The following OCIAD2 variants were observed in gnomAD, a reference collection of about 807,000 sequenced individuals.
OCIAD2 encodes the protein OCIA domain containing 2.
A neutral mutation model predicts 22.9 loss-of-function variants in OCIAD2; 29 were observed. The ratio of observed to expected loss-of-function variants is 1.27; its 90% confidence interval spans 0.94 to 1.73. The LOEUF is 1.73. OCIAD2 is among the 40% of genes most tolerant of loss of function. The pLI is 0.00. For missense variants in OCIAD2, 189 were observed against 180.3 expected (o/e 1.05, Z -0.28); for synonymous variants, 67 against 60.2 (o/e 1.11, Z -0.52).
intron 2 of OCIAD2, 137 bp from the exon 3 acceptor site, chr4:48,900,062 T>C: frequency 1.8e-6 from 1 of 562,854 alleles, no homozygotes; most frequent in Non-Finnish European, 3.1e-6. Context: ...CCAAAGCAAT[T>C]ATCAGTTTCC....
chr4:48,890,426 G>A (rs527616795), intron 6 of OCIAD2, among the ~76,000 whole-genome samples: 1 of 151,998 alleles, frequency 6.6e-6, no homozygotes, highest in African/African-American at 2.4e-5. Flanking sequence ...TCTAACAATA[G>A]CATAAAAATT....
chr4:48,903,419 T>A (rs1781460259), intron 2 of OCIAD2, among the ~76,000 whole-genome samples: 2 of 152,014 alleles, frequency 1.3e-5, no homozygotes. Flanking sequence ...GGAGGATCAT[T>A]TGAGCTCAGG....
At position 48,894,025 on chromosome 4, in the gene OCIAD2, T is replaced by C. The variant is rs922943625; in HGVS notation, c.246A>G (p.Gly82=). The stretch of plus-strand genomic sequence containing the variant: ...ACTTACGTGCAACTTTGGGCAATGA[T>C]CCAAATCTAGAATTAGCTGCCAAAT... ...QGYLAANSRF[G]SLPKVALAGL... The change falls in exon 5 of 7, where the codon GGA becomes GGG. Residue 82 remains glycine (G), a synonymous_variant. Transcript: ENST00000508632. 6.6e-6 allele frequency: 10 copies of C among 1,514,500 alleles called. No individual in the cohort carries two copies. Among genetic ancestry groups the C allele is most frequent in the African/African-American group, 1.4e-5 (1 of 72,216 alleles). 93.8% of individuals were successfully genotyped at this position (1,514,500 alleles called of 1,614,324 possible). A position where few individuals can be genotyped will look rare whatever the true frequency, so the allele number is the denominator to read the frequency against.
chr4:48,904,659 T>A, intron 1 of OCIAD2, 48 bp from the exon 2 acceptor site: 1 of 1,035,736 alleles, frequency 9.7e-7, no homozygotes, highest in Non-Finnish European at 1.5e-6. Context: ...AATGTTTGCA[T>A]CAAGCTTAAA....
Position 48,897,787 on chromosome 4 carries a change from CA to C in OCIAD2, c.217+16del, listed in dbSNP as rs1781333009. ...GGCTCTCTGAAATTAGATTATTTAA[CA>C]AATATTGAATCTTACCTTGGTAGAC... On this transcript the variant is annotated intron_variant, in intron 4 of 6. Transcript: ENST00000508632. 6.3e-7 allele frequency: 1 copy of C among 1,591,508 alleles called. No individual in the cohort carries two copies.
At chr4:48,903,927 G>A (rs564078456) in intron 2 of OCIAD2, among the ~76,000 whole-genome samples, 1 of 151,822 alleles carries the variant, frequency 6.6e-6, no homozygotes, top group Admixed American at 6.6e-5. Context: ...TTACAGGCGT[G>A]AGCCACCGCG....
At chr4:48,887,946 G>A (rs1280192942) in intron 6 of OCIAD2, among the ~76,000 whole-genome samples, 3 of 152,204 alleles carry the variant, frequency 2.0e-5, no homozygotes, top group East Asian at 1.9e-4. Context: ...CCATTTTCAC[G>A]ATATTGATTC....
intron 6 of OCIAD2, 70 bp downstream of exon 6, chr4:48,892,698 TATAA>T (rs759096286): frequency 4.0e-4 from 296 of 746,416 alleles, no homozygotes; most frequent in Admixed American, 4.8e-4. Flanking sequence ...TGTTTAATAT[TATAA>T]ATAGTGAGTA....
rs760036918 is a variant in OCIAD2, at chr4:48,892,891, T to C, written c.266-2A>G. On this transcript the variant is annotated splice_acceptor_variant, in intron 5 of 6. Transcript: ENST00000508632. LOFTEE classifies it high-confidence loss of function. ...GGCCAAATCCCAAGAGACCAGCAAC[T>C]GTAAAAGCAGGTTGGGAGAGATTAG... 7.2e-6 allele frequency: 11 copies of C among 1,522,970 alleles called. No homozygotes were observed. The East Asian group carries it at 1.8e-4, about 25-fold the overall frequency. 94.3% of individuals were successfully genotyped at this position (1,522,970 alleles called of 1,614,324 possible).
intron 6 of OCIAD2, 41 bp from the exon 7 acceptor site, chr4:48,885,606 C>T: frequency 1.0e-6 from 1 of 993,216 alleles, no homozygotes; most frequent in Non-Finnish European, 1.6e-6. Context: ...TGTACTTTGA[C>T]ACTGGAAGCC....
At chr4:48,905,340 A>G (rs1297298757) in intron 1 of OCIAD2, among the ~76,000 whole-genome samples, 3 of 152,072 alleles carry the variant, frequency 2.0e-5, no homozygotes, top group Non-Finnish European at 4.4e-5. Context: ...GAGTTAAAGC[A>G]GGGAACTTTA....
intron 4 of OCIAD2, 152 bp downstream of exon 4, chr4:48,897,652 G>A (rs560261574): frequency 3.1e-5 from 22 of 703,200 alleles, no homozygotes; most frequent in Non-Finnish European, 5.1e-5. Context: ...ATGCTTTCTG[G>A]GGAGATGGGG....
chr4:48,898,670 A>G (rs1781352947), intron 3 of OCIAD2, among the ~76,000 whole-genome samples: 1 of 152,038 alleles, frequency 6.6e-6, no homozygotes, highest in South Asian at 2.1e-4. Context: ...TTTTCATGAC[A>G]TTTTGTCTTA....
In OCIAD2 at chr4:48,892,883, C is replaced by T. The variant is rs563345237; in HGVS notation, c.272G>A (p.Gly91Asp). 16 of 1,558,412 alleles carry T rather than the reference C, an allele frequency of 1.0e-5. 1 individual carries two copies. The African/African-American group carries it at 1.5e-4, about 15-fold the overall frequency. The change falls in exon 6 of 7, where the codon GGT becomes GAT. Residue 91 changes from glycine to aspartate, a missense_variant. Transcript: ENST00000508632. ...FGSLPKVALA[G>D]LLGFGLGKVS... ...CTTTCCAAGGCCAAATCCCAAGAGA[C>T]CAGCAACTGTAAAAGCAGGTTGGGA...
In OCIAD2 at chr4:48,889,450, A is replaced by G. The variant is rs547979231; in HGVS notation, c.383+3322T>C. On this transcript the variant is annotated intron_variant, in intron 6 of 6. Transcript: ENST00000508632. ...CCCCATCAAAAAGTGGGCAAAGGTTATGAACAGACACTTCTTAAAAGAAGA... is the reference window on the plus strand; with the variant it reads ...CCCCATCAAAAAGTGGGCAAAGGTTGTGAACAGACACTTCTTAAAAGAAGA... Among the ~76,000 whole-genome samples the G allele has an allele frequency of 2.0e-5, 3 of 152,360 alleles. 1 individual carries two copies. In the South Asian group the frequency reaches 6.2e-4, roughly 32 times the overall value.
At chr4:48,887,336 G>GAAGATC (rs1781019923) in intron 6 of OCIAD2, among the ~76,000 whole-genome samples, 1 of 152,152 alleles carries the variant, frequency 6.6e-6, no homozygotes, top group Non-Finnish European at 1.5e-5. Flanking sequence ...AAGCTCTTTA[G>GAAGATC]TTTAATTAGA....
At chr4:48,906,316 G>T (rs909566185) in intron 1 of OCIAD2, among the ~76,000 whole-genome samples, 1 of 152,178 alleles carries the variant, frequency 6.6e-6, no homozygotes, top group Non-Finnish European at 1.5e-5. Context: ...TGCGGAGGAG[G>T]GCGCGCCCCA....
At chr4:48,889,758 A>T (rs1781111133) in intron 6 of OCIAD2, among the ~76,000 whole-genome samples, 1 of 152,238 alleles carries the variant, frequency 6.6e-6, no homozygotes, top group African/African-American at 2.4e-5. Flanking sequence ...ATTACTGGGT[A>T]TATACCCAAA....
intron 3 of OCIAD2, 115 bp downstream of exon 3, chr4:48,899,714 T>TCAG: frequency 1.4e-6 from 1 of 691,366 alleles, no homozygotes; most frequent in South Asian, 1.9e-5. Context: ...TCCCTGAATA[T>TCAG]CAGAGTTCAT....
Sources: allele counts gnomAD v4.1 joint callset (sites outside exome capture counted in the v4.1 genomes callset), GRCh38; gene constraint gnomAD v4.1.1; transcripts MANE v1.5; gene names NCBI Gene and HGNC (gene_info 2026-07-23, HGNC 2026-07-21).